Variants in SBF2 observed in about 807,000 individuals in gnomAD.
SBF2 encodes myotubularin-related protein 13.
A neutral mutation model predicts 225.2 loss-of-function variants in SBF2; 112 were observed. The ratio of observed to expected loss-of-function variants is 0.50; its 90% CI spans 0.43 to 0.58. The LOEUF is 0.58. Ranked by LOEUF, SBF2 falls within the 20% of genes least tolerant of loss-of-function variation. SBF2 has a pLI of 0.00. For missense variants in SBF2, 1,996 were observed against 2,206.2 expected, an observed-to-expected ratio of 0.90 and a Z score of 1.91; for synonymous variants, 763 against 773.3, an observed-to-expected ratio of 0.99 and a Z score of 0.22.
At chr11:10,280,904 T>C (rs541959148) in intron 1 of SBF2, among the ~76,000 whole-genome samples, 2 of 152,230 alleles carry the variant, frequency 1.3e-5, no homozygotes, top group African/African-American at 2.4e-5. Context: ...ATATAGATTA[T>C]GTGTACAGTT....
upstream of SBF2, among the ~76,000 whole-genome samples, chr11:10,296,495 C>T (rs1187911252): frequency 1.3e-5 from 2 of 152,082 alleles, no homozygotes; most frequent in Non-Finnish European, 2.9e-5. Flanking sequence ...AAGACCCGCC[C>T]CCATGATTCA....
At chr11:10,005,004 C>A (rs998689907) in intron 6 of SBF2, among the ~76,000 whole-genome samples, 5 of 152,140 alleles carry the variant, frequency 3.3e-5, no homozygotes, top group African/African-American at 1.2e-4. Flanking sequence ...GGATCCCCCA[C>A]CCCCATGCCA....
chr11:9,830,345 C>T (rs996217164), intron 27 of SBF2, among the ~76,000 whole-genome samples: 2 of 152,092 alleles, frequency 1.3e-5, no homozygotes, highest in Non-Finnish European at 2.9e-5. Context: ...TATTTTATTG[C>T]CTAACAATAA....
intron 28 of SBF2, among the ~76,000 whole-genome samples, chr11:9,825,083 C>A (rs1015515303): frequency 6.6e-6 from 1 of 152,014 alleles, no homozygotes; most frequent in Admixed American, 6.6e-5. Context: ...GTGTCCCCCT[C>A]CCAAAATTTA....
In SBF2 at chr11:10,118,559, A is replaced by G. The variant is rs562298279; in HGVS notation, c.141+75343T>C. Among the ~76,000 whole-genome samples the G allele has an allele frequency of 7.9e-5, 12 of 152,262 alleles. No homozygotes were observed. The South Asian group carries it at 2.5e-3, about 32-fold the overall frequency. On this transcript the variant is annotated intron_variant, in intron 2 of 39. Transcript: ENST00000256190. ...ATATGTAAGCAGAAAATATTTACAA[A>G]GAATTTAAATTCTATAATAAATAAT...
intron 2 of SBF2, among the ~76,000 whole-genome samples, chr11:10,074,851 A>G (rs1359967919): frequency 1.3e-5 from 2 of 152,102 alleles, no homozygotes; most frequent in African/African-American, 2.4e-5. Flanking sequence ...ATTAAATACA[A>G]TTTGCTAAAT....
intron 1 of SBF2, among the ~76,000 whole-genome samples, chr11:10,243,254 G>A (rs547315107): frequency 1.3e-5 from 2 of 151,856 alleles, no homozygotes; most frequent in East Asian, 3.9e-4. Flanking sequence ...ACCAAAAAGG[G>A]AAATTAGAAA....
intron 2 of SBF2, among the ~76,000 whole-genome samples, chr11:10,098,403 A>T (rs774426102): frequency 2.6e-5 from 4 of 151,992 alleles, no homozygotes; most frequent in Non-Finnish European, 5.9e-5. Flanking sequence ...TCCTGAAGCC[A>T]GTCACTACAG....
Position 10,144,459 on chromosome 11 carries a change from G to A in SBF2, c.141+49443C>T, listed in dbSNP as rs1289199772. ...GCCAAGGCTGTGCCACTGCACTCCA[G>A]CCTGAGTGACAGAGCAAGACCCTAT... On this transcript the variant is annotated intron_variant, in intron 2 of 39. Coordinates refer to ENST00000256190, the MANE Select transcript of SBF2 (RefSeq NM_030962.4). Among the ~76,000 whole-genome samples, 5 of 152,250 alleles carry A rather than the reference G, an allele frequency of 3.3e-5. No individual in the cohort carries two copies. The East Asian group carries it at 5.8e-4, about 18-fold the overall frequency.
chr11:10,136,247 T>G (rs1354880115), intron 2 of SBF2, among the ~76,000 whole-genome samples: 1 of 152,142 alleles, frequency 6.6e-6, no homozygotes, highest in Non-Finnish European at 1.5e-5. Context: ...ATGGGAATTA[T>G]GAGAACTACA....
chr11:10,222,641 C>T (rs1958381436), intron 1 of SBF2, among the ~76,000 whole-genome samples: 1 of 152,114 alleles, frequency 6.6e-6, no homozygotes. Context: ...TCTGCACATA[C>T]AATGCTAAAA....
chr11:10,027,534 G>A (rs944449230), intron 6 of SBF2, among the ~76,000 whole-genome samples: 18 of 152,122 alleles, frequency 1.2e-4, no homozygotes, highest in Non-Finnish European at 2.6e-4. Flanking sequence ...AAGAGGCAGG[G>A]TATGGACCTT....
chr11:10,150,105 T>C (rs17358882), intron 2 of SBF2, among the ~76,000 whole-genome samples: 16,230 of 152,128 alleles, frequency 0.11, 1,024 homozygotes, highest in Non-Finnish European at 0.12. Context: ...CTCTGCCATA[T>C]CTGTATCCTT....
At chr11:9,986,074 A>G (rs1947185231) in intron 13 of SBF2, among the ~76,000 whole-genome samples, 1 of 152,224 alleles carries the variant, frequency 6.6e-6, no homozygotes, top group South Asian at 2.1e-4. Flanking sequence ...CTGAAATTTT[A>G]TCAAGCACTC....
intron 6 of SBF2, among the ~76,000 whole-genome samples, chr11:10,012,417 C>T (rs1487771343): frequency 1.3e-5 from 2 of 152,210 alleles, no homozygotes; most frequent in Non-Finnish European, 2.9e-5. Flanking sequence ...ACTGGGATTA[C>T]AGGTATGAGC....
At chr11:10,109,179 G>A (rs1276557064) in intron 2 of SBF2, among the ~76,000 whole-genome samples, 2 of 146,500 alleles carry the variant, frequency 1.4e-5, no homozygotes, top group East Asian at 2.1e-4. Context: ...AAGTTCAAAG[G>A]TATGTGTGTA....
At chr11:10,096,424 T>TAAAAAA (rs563258126) in intron 2 of SBF2, among the ~76,000 whole-genome samples, 16 of 126,038 alleles carry the variant, frequency 1.3e-4, no homozygotes, top group Admixed American at 3.2e-4. Flanking sequence ...CAAAGTTCTG[T>TAAAAAA]AAAAAAAAAA....
intron 2 of SBF2, among the ~76,000 whole-genome samples, chr11:10,112,843 AAAAT>A (rs56369366): frequency 0.21 from 31,483 of 152,132 alleles, 3,968 homozygotes; most frequent in Non-Finnish European, 0.3. Context: ...AACAGAATGA[AAAAT>A]AAATAGGAAA....
intron 1 of SBF2, among the ~76,000 whole-genome samples, chr11:10,209,600 G>A (rs1957863541): frequency 6.6e-6 from 1 of 151,954 alleles, no homozygotes; most frequent in Admixed American, 6.6e-5. Context: ...TCCCAATGCT[G>A]TTTGTACCCC....
Sources: allele counts gnomAD v4.1 joint callset (sites outside exome capture counted in the v4.1 genomes callset), GRCh38; gene constraint gnomAD v4.1.1; transcripts MANE v1.5; gene names NCBI Gene and HGNC (gene_info 2026-07-23, HGNC 2026-07-21).